Variants in DNAAF1 observed in about 807,000 individuals in gnomAD.
DNAAF1 encodes dynein assembly factor 1, axonemal.
A neutral mutation model predicts 71.1 loss-of-function variants in DNAAF1; 65 were observed. That is an observed-to-expected ratio of 0.91 (90% CI 0.75 to 1.12). The LOEUF (loss-of-function observed/expected upper bound fraction) is 1.12, where lower values mean the gene tolerates loss of function less well. DNAAF1 is among the 50% of genes most tolerant of loss of function. DNAAF1 has a pLI of 0.00. For synonymous variants in DNAAF1, 414 were observed against 354.6 expected (o/e 1.17, Z -1.88); for missense variants, 1,178 against 899.8 (o/e 1.31, Z -3.96).
At chr16:84,177,606 G>C (rs756486475) in intron 11 of DNAAF1, 123 bp from the exon 12 acceptor site, 1 of 819,300 alleles carries the variant, frequency 1.2e-6, no homozygotes, top group African/African-American at 1.7e-5. Flanking sequence ...TGGGATTACA[G>C]GTATGAGCCA....
At chr16:84,175,558 A>G in intron 10 of DNAAF1, 1 of 284,564 alleles carries the variant, frequency 3.5e-6, no homozygotes, top group South Asian at 3.8e-5. Flanking sequence ...CAAAGAAAAC[A>G]GACACAGTTA....
rs748803341 is a variant in DNAAF1, at chr16:84,149,019, C to G, written c.137C>G (p.Pro46Arg). The G allele has an allele frequency of 6.2e-7, 1 of 1,613,894 alleles. No homozygotes were observed. The highest frequency in any genetic ancestry group is 8.5e-7 in the Non-Finnish European group (1 of 1,179,978). Residue 46 changes from proline to arginine, a missense_variant, in exon 2 of 12, where the codon CCT becomes CGT. Transcript: ENST00000378553. The stretch of plus-strand genomic sequence containing the variant: ...TTTTATTTTACAGAAATTAATGATC[C>G]TAAGGAAATATGTGTGGGTTCTTCT... ...RGGCKEEIND[P>R]KEICVGSSDT...
At chr16:84,154,134 C>G (rs996539810) in intron 3 of DNAAF1, among the ~76,000 whole-genome samples, 33 of 152,128 alleles carry the variant, frequency 2.2e-4, no homozygotes, top group East Asian at 1.9e-4. Context: ...AGGCAGGTGT[C>G]TTAGTCCGTT....
chr16:84,148,829 A>G lies in DNAAF1; in HGVS notation c.125-178A>G, dbSNP rs185406328. 3.4e-3 allele frequency among the ~76,000 whole-genome samples: 512 copies of G among 151,570 alleles called. 5 individuals are homozygous for G. The highest frequency in any genetic ancestry group is 0.012 in the African/African-American group (486 of 41,268). The stretch of plus-strand genomic sequence containing the variant: ...GGTCTCAAACACCTGGGCTCGAGCA[A>G]TCTACCTGCCTCAGCCTCCCAAAGA... On this transcript the variant is annotated intron_variant, in intron 1 of 11. Coordinates refer to ENST00000378553, the MANE Select transcript of DNAAF1 (RefSeq NM_178452.6).
chr16:84,163,247 G>T (rs1263819946), intron 6 of DNAAF1, among the ~76,000 whole-genome samples: 1 of 152,018 alleles, frequency 6.6e-6, no homozygotes, highest in Non-Finnish European at 1.5e-5. Flanking sequence ...AATTTTTGAG[G>T]AGACACCACA....
chr16:84,171,036 G>A (rs1198603280), intron 8 of DNAAF1, among the ~76,000 whole-genome samples: 1 of 152,128 alleles, frequency 6.6e-6, no homozygotes, highest in Non-Finnish European at 1.5e-5. Context: ...TGGCTGAACG[G>A]TAACTTTTTA....
intron 5 of DNAAF1, among the ~76,000 whole-genome samples, chr16:84,158,077 C>T (rs192045701): frequency 1.3e-3 from 202 of 152,106 alleles, no homozygotes; most frequent in African/African-American, 4.7e-3. Context: ...TGGTGGCATG[C>T]ACCTGTAGTC....
intron 6 of DNAAF1, among the ~76,000 whole-genome samples, chr16:84,163,534 C>A (rs1202951628): frequency 6.6e-6 from 1 of 152,096 alleles, no homozygotes; most frequent in Non-Finnish European, 1.5e-5. Flanking sequence ...GCATCTGCCA[C>A]CACACCCAGC....
chr16:84,149,476 G>A (rs1274165991), intron 2 of DNAAF1, among the ~76,000 whole-genome samples: 1 of 152,002 alleles, frequency 6.6e-6, no homozygotes, highest in Non-Finnish European at 1.5e-5. Context: ...CGAATCACAA[G>A]GTCAGGAGTT....
At chr16:84,164,170 C>G (rs2087853593) in intron 6 of DNAAF1, among the ~76,000 whole-genome samples, 1 of 151,976 alleles carries the variant, frequency 6.6e-6, no homozygotes, top group Non-Finnish European at 1.5e-5. Context: ...AGAGAGTTTC[C>G]ATATACCACC....
rs1222677989 is a variant in DNAAF1 at position 84,154,790 on chromosome 16, A to C, written c.566A>C (p.Glu189Ala). Residue 189 changes from glutamate to alanine, a missense_variant, in exon 4 of 12, where the codon GAA becomes GCA. By Grantham distance (107) the Glu-to-Ala change is moderately radical. Transcript: ENST00000378553. ...AGCAACAATTACATCAAGACCATTGAAAACCTCTGTAAGGGTACCCAGCAA... is the reference window on the plus strand; with the variant it reads ...AGCAACAATTACATCAAGACCATTGCAAACCTCTGTAAGGGTACCCAGCAA... ...NLSNNYIKTI[E>A]NLSCLPVLNT... 6.2e-7 allele frequency: 1 copy of C among 1,613,540 alleles called. No individual in the cohort carries two copies. The highest frequency in any genetic ancestry group is 1.3e-5 in the African/African-American group (1 of 74,918).
intron 3 of DNAAF1, among the ~76,000 whole-genome samples, chr16:84,151,083 A>G (rs2087160852): frequency 6.6e-6 from 1 of 152,124 alleles, no homozygotes; most frequent in African/African-American, 2.4e-5. Flanking sequence ...CCAGTATCAC[A>G]TATCAATGGA....
chr16:84,153,118 C>T (rs1390302945), intron 3 of DNAAF1, among the ~76,000 whole-genome samples: 2 of 152,064 alleles, frequency 1.3e-5, no homozygotes, highest in Non-Finnish European at 2.9e-5. Flanking sequence ...GTTGTTTAGA[C>T]GTCACAGTGG....
chr16:84,148,598 T>TC (rs1567533343), intron 1 of DNAAF1, among the ~76,000 whole-genome samples: 17 of 68,626 alleles, frequency 2.5e-4, no homozygotes, highest in African/African-American at 1.0e-3. Context: ...CTCTCTCTCT[T>TC]TTTTTTTTTT....
In DNAAF1 at chr16:84,150,323, G is replaced by T; in HGVS notation, c.333G>T (p.Thr111=). The T allele has an allele frequency of 1.2e-6, 2 of 1,612,940 alleles. No individual in the cohort carries two copies. The highest frequency in any genetic ancestry group is 1.7e-6 in the Non-Finnish European group (2 of 1,178,954). ...KLYITPALND[T]LYLHFKGFDR... ...ATATTACCCCAGCATTGAATGATAC[G>T]CTGTATTTACACTTTAAAGGTAAGG... The change falls in exon 3 of 12, where the codon ACG becomes ACT. Residue 111 remains threonine (T), a synonymous_variant. Transcript: ENST00000378553.
rs572110246 is a variant in DNAAF1, at chr16:84,170,391, C to A, written c.1528+35C>A. On this transcript the variant is annotated intron_variant, in intron 8 of 11. Coordinates refer to ENST00000378553, the MANE Select transcript of DNAAF1 (RefSeq NM_178452.6). The stretch of plus-strand genomic sequence containing the variant: ...GCGGAGAAACACACACAGACACACA[C>A]ACCTCTCAGGGAGCCCCAGCCTTCG... 1.9e-4 allele frequency: 314 copies of A among 1,613,052 alleles called. 3 individuals are homozygous for A. In the South Asian group the frequency reaches 3.3e-3, roughly 17 times the overall value.
At chr16:84,162,276 A>G (rs2087749545) in intron 6 of DNAAF1, 1 of 152,172 alleles carries the variant, frequency 6.6e-6, no homozygotes, top group Non-Finnish European at 1.5e-5. Flanking sequence ...TTGTTGAGGC[A>G]TAATTCACAT....
At chr16:84,158,386 C>G (rs2087542833) in intron 5 of DNAAF1, among the ~76,000 whole-genome samples, 1 of 152,100 alleles carries the variant, frequency 6.6e-6, no homozygotes, top group African/African-American at 2.4e-5. Flanking sequence ...TTCTCTGTGT[C>G]CTACTTTTTT....
rs35496754 is a variant in DNAAF1 at position 84,155,693 on chromosome 16, C to T, written c.685C>T (p.His229Tyr). ...GAGGCTTTGTGTCCTTGACCTTTCG[C>T]ACAACAAGCTGAGTGACCCGGAGAT... is the stretch of plus-strand genomic sequence containing the variant. ...CLRLCVLDLS[H>Y]NKLSDPEILS... The change falls in exon 5 of 12, where the codon CAC becomes TAC. Residue 229 changes from histidine to tyrosine, a missense_variant. Transcript: ENST00000378553. 1,500 of 1,614,114 alleles carry T rather than the reference C, an allele frequency of 9.3e-4. 34 individuals are homozygous for T. The East Asian group carries it at 0.028, about 30-fold the overall frequency.
Sources: allele counts gnomAD v4.1 joint callset (sites outside exome capture counted in the v4.1 genomes callset), GRCh38; gene constraint gnomAD v4.1.1; transcripts MANE v1.5; gene names NCBI Gene and HGNC (gene_info 2026-07-23, HGNC 2026-07-21).